AHCYL2: variants seen among roughly 807,000 people sequenced by gnomAD.
AHCYL2 encodes S-adenosylhomocysteine hydrolase-like protein 2.
In AHCYL2, 28 loss-of-function variants were observed where a neutral mutation model predicts 81.4. The observed-to-expected ratio is 0.34, with a 90% CI of 0.25 to 0.47. AHCYL2 has a LOEUF of 0.47. Among genes scored for constraint, AHCYL2 ranks in the 20% least tolerant of loss-of-function variants. The pLI, the probability that AHCYL2 is intolerant of heterozygous loss-of-function variation, is 1.00. For missense variants in AHCYL2, 551 were observed against 785.1 expected (o/e 0.70, Z 3.56); for synonymous variants, 272 against 290.2 (o/e 0.94, Z 0.64).
intron 1 of AHCYL2, among the ~76,000 whole-genome samples, chr7:129,239,430 A>ATT (rs780374168): frequency 2.8e-5 from 4 of 141,934 alleles, no homozygotes; most frequent in Admixed American, 7.1e-5. Flanking sequence ...ATTTTTATTA[A>ATT]TTTTTTTTTT....
At chr7:129,321,015 T>C (rs1439381190) in intron 1 of AHCYL2, among the ~76,000 whole-genome samples, 1 of 152,232 alleles carries the variant, frequency 6.6e-6, no homozygotes, top group Non-Finnish European at 1.5e-5. Flanking sequence ...TAAAACACAA[T>C]GTCTGTATCT....
chr7:129,268,251 G>T (rs1238422218), intron 1 of AHCYL2, among the ~76,000 whole-genome samples: 1 of 152,158 alleles, frequency 6.6e-6, no homozygotes, highest in Non-Finnish European at 1.5e-5. Context: ...CTTTGAAAGG[G>T]CTTTGTGACA....
intron 2 of AHCYL2, among the ~76,000 whole-genome samples, chr7:129,383,444 G>A (rs1795057633): frequency 6.6e-6 from 1 of 152,052 alleles, no homozygotes; most frequent in Non-Finnish European, 1.5e-5. Context: ...ACAGACATGA[G>A]CCATGGCACC....
At chr7:129,421,530 A>AT (rs1797119068) in intron 12 of AHCYL2, among the ~76,000 whole-genome samples, 1 of 152,222 alleles carries the variant, frequency 6.6e-6, no homozygotes, top group African/African-American at 2.4e-5. Flanking sequence ...TTGGTCAAAG[A>AT]TTAGGTACAT....
At chr7:129,226,624 T>C (rs1278332174) in intron 1 of AHCYL2, among the ~76,000 whole-genome samples, 4 of 152,334 alleles carry the variant, frequency 2.6e-5, no homozygotes, top group African/African-American at 9.6e-5. Flanking sequence ...TTTGTTGTCA[T>C]AGCGTCATGA....
intron 6 of AHCYL2, among the ~76,000 whole-genome samples, chr7:129,400,845 A>G (rs1795997437): frequency 1.3e-5 from 2 of 152,224 alleles, no homozygotes; most frequent in African/African-American, 4.8e-5. Context: ...TAATATTCAT[A>G]TAATGAATTT....
intron 1 of AHCYL2, among the ~76,000 whole-genome samples, chr7:129,267,241 G>GTGTA (rs1554472020): frequency 0.026 from 3,923 of 150,924 alleles, 88 homozygotes; most frequent in Admixed American, 0.058. Flanking sequence ...GTGTGTGTGT[G>GTGTA]TGTGTGTGTG....
chr7:129,284,968 T>A (rs1796577695), intron 1 of AHCYL2, among the ~76,000 whole-genome samples: 1 of 152,228 alleles, frequency 6.6e-6, no homozygotes. Context: ...TGCTACAATA[T>A]TTTTGTAATG....
chr7:129,326,551 A>G (rs749271928), intron 1 of AHCYL2, among the ~76,000 whole-genome samples: 7 of 151,778 alleles, frequency 4.6e-5, no homozygotes, highest in Non-Finnish European at 8.8e-5. Flanking sequence ...ACAAACAAAA[A>G]TCCTCCTATG....
chr7:129,426,425 T>A lies in AHCYL2; in HGVS notation c.1709-18T>A, dbSNP rs750609644. On this transcript the variant is annotated intron_variant, in intron 15 of 16. Transcript: ENST00000325006. The surrounding 1 kb of genome is among the most constrained non-coding windows in gnomAD (Gnocchi z 4.3). ...AAGGCATGAATGCTTATACCAGGGC[T>A]TCTGTGGTCTGTTCCAGATGAGTAT... The A allele has an allele frequency of 6.2e-7, 1 of 1,614,114 alleles. No individual in the cohort carries two copies. The highest frequency in any genetic ancestry group is 1.1e-5 in the South Asian group (1 of 91,078).
chr7:129,225,559 C>G, intron 1 of AHCYL2, 120 bp downstream of exon 1: 1 of 1,376,316 alleles, frequency 7.3e-7, no homozygotes, highest in Middle Eastern at 2.6e-4. Context: ...CGGAGATACC[C>G]CTTGTCCCCT....
chr7:129,329,496 G>A (rs1176797520), intron 1 of AHCYL2, among the ~76,000 whole-genome samples: 2 of 152,162 alleles, frequency 1.3e-5, no homozygotes, highest in East Asian at 3.9e-4. Flanking sequence ...GTCTATTAAT[G>A]TCTGTAGATT....
chr7:129,391,619 C>T (rs1257690175), intron 4 of AHCYL2, among the ~76,000 whole-genome samples: 2 of 152,180 alleles, frequency 1.3e-5, no homozygotes, highest in East Asian at 1.9e-4. Flanking sequence ...ATAATGAGAC[C>T]ACTATCGGGA....
At chr7:129,268,420 TCAC>T (rs1251842112) in intron 1 of AHCYL2, among the ~76,000 whole-genome samples, 1 of 152,172 alleles carries the variant, frequency 6.6e-6, no homozygotes, top group African/African-American at 2.4e-5. Flanking sequence ...TGATCTCAGC[TCAC>T]CACAACCTCC....
chr7:129,276,310 A>G (rs1796201592), intron 1 of AHCYL2, among the ~76,000 whole-genome samples: 1 of 152,106 alleles, frequency 6.6e-6, no homozygotes, highest in South Asian at 2.1e-4. Flanking sequence ...AGGGAAATTT[A>G]CAGCCTTACA....
intron 1 of AHCYL2, among the ~76,000 whole-genome samples, chr7:129,325,816 C>T (rs765752410): frequency 6.6e-6 from 1 of 151,906 alleles, no homozygotes; most frequent in Non-Finnish European, 1.5e-5. Flanking sequence ...AGCGATTCTC[C>T]CGCCTCAGCC....
At chr7:129,352,738 C>T (rs1793609342) in intron 1 of AHCYL2, among the ~76,000 whole-genome samples, 2 of 152,130 alleles carry the variant, frequency 1.3e-5, no homozygotes, top group Non-Finnish European at 2.9e-5. Context: ...TGCACTTGAT[C>T]TCCTGCATCA....
chr7:129,320,735 A>G (rs1232714635), intron 1 of AHCYL2, among the ~76,000 whole-genome samples: 5 of 152,208 alleles, frequency 3.3e-5, no homozygotes, highest in African/African-American at 1.2e-4. Flanking sequence ...TGATTCCAGA[A>G]CATTTTTGCC....
In AHCYL2 at chr7:129,253,897, A is replaced by T. The variant is rs956658399; in HGVS notation, c.363+28458A>T. Among the ~76,000 whole-genome samples the T allele has an allele frequency of 8.5e-5, 13 of 152,342 alleles. No individual in the cohort carries two copies. In the South Asian group the frequency reaches 2.7e-3, roughly 32 times the overall value. On this transcript the variant is annotated intron_variant, in intron 1 of 16. Transcript: ENST00000325006. Reference sequence around the variant, plus strand: ...AAAAATAATTACAGAAAAGAGAAACAAATGTAGTTTATAATTATATCTTTT... The same window carrying T: ...AAAAATAATTACAGAAAAGAGAAACTAATGTAGTTTATAATTATATCTTTT...
Sources: gnomAD v4.1 joint callset for allele counts (sites outside exome capture counted in the v4.1 genomes callset) on GRCh38, gnomAD v4.1.1 for gene constraint, Gnocchi (gnomAD v3.1) non-coding constraint, MANE v1.5 for transcripts, NCBI Gene and HGNC (gene_info 2026-07-23, HGNC 2026-07-21) for gene names.